DUXA: variants seen among roughly 807,000 people sequenced by gnomAD.
The protein encoded by DUXA is double homeobox protein A.
A neutral mutation model predicts 27.5 loss-of-function variants in DUXA; 25 were observed. The ratio of observed to expected loss-of-function variants is 0.91; its 90% confidence interval spans 0.66 to 1.27. The LOEUF (loss-of-function observed/expected upper bound fraction) is 1.27, where lower values mean the gene tolerates loss of function less well. Ranked by LOEUF, DUXA falls within the 50% of genes most tolerant of loss-of-function variation. The pLI is 0.00. For missense variants in DUXA, 247 were observed against 242.9 expected (o/e 1.02, Z -0.11); for synonymous variants, 90 against 80.5 (o/e 1.12, Z -0.63).
intron 4 of DUXA, among the ~76,000 whole-genome samples, chr19:57,156,891 C>G (rs939373539): frequency 6.6e-6 from 1 of 152,130 alleles, no homozygotes; most frequent in African/African-American, 2.4e-5. Flanking sequence ...GTCTCGAACT[C>G]CCGACCTCAG....
chr19:57,165,817 A>AC (rs1466716428), intron 1 of DUXA, among the ~76,000 whole-genome samples: 2 of 150,396 alleles, frequency 1.3e-5, no homozygotes, highest in African/African-American at 2.4e-5. Flanking sequence ...AAAAAAAAAA[A>AC]AAAAGCCAGA....
Position 57,158,446 on chromosome 19 carries a change from G to A in DUXA, c.320C>T (p.Thr107Ile), listed in dbSNP as rs776975749. Reference sequence around the variant, plus strand: ...AGTGTGTAACTGAGAGGCGCTGTAGGTGGTACGACACCGTCTGGCTTCTCT... The same window carrying A: ...AGTGTGTAACTGAGAGGCGCTGTAGATGGTACGACACCGTCTGGCTTCTCT... ...QSREARRCRT[T>I]YSASQLHTLI... The change falls in exon 4 of 6, where the codon ACC (threonine) becomes ATC (isoleucine). Residue 107 changes from threonine (T) to isoleucine (I), a missense_variant. By Grantham distance (89) the Thr-to-Ile change is moderately conservative. Coordinates refer to ENST00000554048, the MANE Select transcript of DUXA (RefSeq NM_001012729.2). 6 of 1,613,826 alleles carry A rather than the reference G, an allele frequency of 3.7e-6. No homozygotes were observed. Among genetic ancestry groups the A allele is most frequent in the Non-Finnish European group, 8.5e-7 (1 of 1,179,872 alleles).
intron 1 of DUXA, among the ~76,000 whole-genome samples, chr19:57,165,263 C>A (rs2087045326): frequency 6.8e-6 from 1 of 147,674 alleles, no homozygotes; most frequent in South Asian, 2.1e-4. Context: ...GAAAGCCACT[C>A]CTAAATCCAT....
intron 5 of DUXA, 98 bp downstream of exon 5, chr19:57,155,169 T>G: frequency 1.8e-6 from 2 of 1,097,144 alleles, no homozygotes; most frequent in Non-Finnish European, 2.7e-6. Flanking sequence ...GGGGATATCC[T>G]CCACCTCCCA....
At chr19:57,162,577 T>C (rs574659283) in intron 1 of DUXA, among the ~76,000 whole-genome samples, 1 of 152,242 alleles carries the variant, frequency 6.6e-6, no homozygotes, top group South Asian at 2.1e-4. Context: ...TTTTGTTTTT[T>C]GTTTTTTGTT....
In DUXA at chr19:57,154,405, A is replaced by G. The variant is rs371626940; in HGVS notation, c.*7T>C. 268 of 1,612,564 alleles carry G rather than the reference A, an allele frequency of 1.7e-4. No homozygotes were observed. Among genetic ancestry groups the G allele is most frequent in the Admixed American group, 9.8e-4 (59 of 59,984 alleles). ...GATATTATCAAGTACACTGAATTTG[A>G]CTGTGTTCACCACGTTCTGGCTCCA... is the stretch of plus-strand genomic sequence containing the variant. On this transcript the variant is annotated 3_prime_UTR_variant, in exon 6 of 6. Transcript: ENST00000554048.
chr19:57,166,301 T>A (rs959829630), intron 1 of DUXA, among the ~76,000 whole-genome samples: 3 of 151,962 alleles, frequency 2.0e-5, no homozygotes, highest in Non-Finnish European at 4.4e-5. Flanking sequence ...ATAATTTAAT[T>A]TATGTATGTA....
intron 5 of DUXA, among the ~76,000 whole-genome samples, chr19:57,155,041 C>T (rs1273654029): frequency 6.6e-6 from 1 of 152,196 alleles, no homozygotes; most frequent in Non-Finnish European, 1.5e-5. Context: ...AATTTGTATC[C>T]ATGGGGTTGC....
In DUXA at chr19:57,158,410, G is replaced by T; in HGVS notation, c.356C>A (p.Ala119Glu). The change falls in exon 4 of 6, where the codon GCA becomes GAA. Residue 119 changes from alanine (A) to glutamate (E), a missense_variant. By Grantham distance (107) the Ala-to-Glu change is moderately radical. Coordinates refer to ENST00000554048, the MANE Select transcript of DUXA (RefSeq NM_001012729.2). ...CCCAGGATATGGGTTTTTCATAAAT[G>T]CCTTGATGAGAGTGTGTAACTGAGA... ...SASQLHTLIKAFMKNPYPGID... is the reference protein window; with the variant it reads ...SASQLHTLIKEFMKNPYPGID... The T allele has an allele frequency of 6.2e-7, 1 of 1,613,836 alleles. No homozygotes were observed. The highest frequency in any genetic ancestry group is 8.5e-7 in the Non-Finnish European group (1 of 1,180,004).
At position 57,158,459 on chromosome 19, in the gene DUXA, G is replaced by A. The variant is rs140589597; in HGVS notation, c.307C>T (p.Arg103Trp). ...GAGGCGCTGTAGGTGGTACGACACC[G>A]TCTGGCTTCTCTACCTAGGGAAGGC... Reference protein sequence around the residue: ...GVEFQSREARRCRTTYSASQL... With the variant: ...GVEFQSREARWCRTTYSASQL... Residue 103 changes from arginine to tryptophan, a missense_variant, in exon 4 of 6, where the codon CGG becomes TGG. Arg to Trp is a moderately radical substitution (Grantham distance 101, BLOSUM62 -3). Transcript: ENST00000554048. The A allele has an allele frequency of 1.4e-4, 230 of 1,613,166 alleles. No individual in the cohort carries two copies. The highest frequency in any genetic ancestry group is 3.3e-4 in the Middle Eastern group (2 of 6,070).
At chr19:57,154,535 C>G in intron 5 of DUXA, 53 bp from the exon 6 acceptor site, 1 of 1,320,032 alleles carries the variant, frequency 7.6e-7, no homozygotes, top group Middle Eastern at 1.9e-4. Context: ...CTTATATTCA[C>G]AAACATGGAC....
In DUXA at chr19:57,167,417, A is replaced by G; in HGVS notation, c.25+2T>C. Reference sequence around the variant, plus strand: ...AGCTCAGTCAAGCACAAGGGAACTTACTGTGTGAATAGGTGTCTTCGGCCA... The same window carrying G: ...AGCTCAGTCAAGCACAAGGGAACTTGCTGTGTGAATAGGTGTCTTCGGCCA... On this transcript the variant is annotated splice_donor_variant, in intron 1 of 5. Coordinates refer to ENST00000554048, the MANE Select transcript of DUXA (RefSeq NM_001012729.2). LOFTEE classifies it high-confidence loss of function. 3 of 1,613,674 alleles carry G rather than the reference A, an allele frequency of 1.9e-6. No individual in the cohort carries two copies. The highest frequency in any genetic ancestry group is 2.7e-5 in the African/African-American group (2 of 75,020).
At chr19:57,165,435 A>T (rs1163721604) in intron 1 of DUXA, among the ~76,000 whole-genome samples, 3 of 151,004 alleles carry the variant, frequency 2.0e-5, no homozygotes, top group African/African-American at 7.3e-5. Flanking sequence ...AGAAATGGCT[A>T]GGTAAGTCCT....
At chr19:57,166,351 C>T (rs559193259) in intron 1 of DUXA, among the ~76,000 whole-genome samples, 17 of 152,290 alleles carry the variant, frequency 1.1e-4, no homozygotes, top group African/African-American at 3.6e-4. Context: ...CGCTCTCTGG[C>T]CCAGGCTGAG....
intron 3 of DUXA, among the ~76,000 whole-genome samples, chr19:57,158,754 G>A (rs1307433814): frequency 6.6e-6 from 1 of 152,168 alleles, no homozygotes; most frequent in Non-Finnish European, 1.5e-5. Flanking sequence ...GAGACTGAGA[G>A]GGGGCAGATC....
chr19:57,163,253 C>T lies in DUXA; in HGVS notation c.26-2456G>A, dbSNP rs551140736. Among the ~76,000 whole-genome samples, 6 of 152,140 alleles carry T rather than the reference C, an allele frequency of 3.9e-5. No individual in the cohort carries two copies. In the South Asian group the frequency reaches 6.2e-4, roughly 16 times the overall value. ...TTCTCAGAGTCCCTCCCTGACCCTC[C>T]GGTCTAAGGCAGTCCACACCCCATG... On this transcript the variant is annotated intron_variant, in intron 1 of 5. Transcript: ENST00000554048.
intron 2 of DUXA, 92 bp from the exon 3 acceptor site, chr19:57,159,370 C>A: frequency 1.7e-6 from 2 of 1,152,254 alleles, no homozygotes; most frequent in Non-Finnish European, 2.5e-6. Flanking sequence ...TCTTATTGGG[C>A]CTAGGCCCAG....
intron 1 of DUXA, among the ~76,000 whole-genome samples, chr19:57,163,116 G>A (rs924996846): frequency 2.6e-5 from 4 of 151,746 alleles, no homozygotes; most frequent in Non-Finnish European, 4.4e-5. Context: ...CCCCCAACCC[G>A]GCCAACTTCT....
At chr19:57,160,425 G>A (rs369002623) in intron 2 of DUXA, among the ~76,000 whole-genome samples, 3 of 152,314 alleles carry the variant, frequency 2.0e-5, no homozygotes, top group East Asian at 3.9e-4. Context: ...CTGAAGGTAC[G>A]CCTACACGTG....
Sources: gnomAD v4.1 joint callset for allele counts (sites outside exome capture counted in the v4.1 genomes callset) on GRCh38, gnomAD v4.1.1 for gene constraint, MANE v1.5 for transcripts, NCBI Gene and HGNC (gene_info 2026-07-23, HGNC 2026-07-21) for gene names.